Variants in TUFT1 observed in about 807,000 individuals in gnomAD.
TUFT1 encodes the protein tuftelin.
A neutral mutation model predicts 57.8 loss-of-function variants in TUFT1; 43 were observed. That is an observed-to-expected ratio of 0.74 (90% CI 0.58 to 0.96). TUFT1 has a LOEUF of 0.96. TUFT1 is among the 40% of genes least tolerant of loss of function. TUFT1 has a pLI of 0.00. For synonymous variants in TUFT1, 166 were observed against 176.7 expected, an observed-to-expected ratio of 0.94 and a Z score of 0.48; for missense variants, 459 against 489.0, an observed-to-expected ratio of 0.94 and a Z score of 0.58.
At chr1:151,543,716 T>C (rs1665239599) in intron 1 of TUFT1, among the ~76,000 whole-genome samples, 1 of 152,128 alleles carries the variant, frequency 6.6e-6, no homozygotes, top group South Asian at 2.1e-4. Flanking sequence ...TCTGCACCAT[T>C]ATGCTCAAGA....
intron 1 of TUFT1, among the ~76,000 whole-genome samples, chr1:151,551,784 G>A (rs969538130): frequency 1.3e-5 from 2 of 152,164 alleles, no homozygotes; most frequent in East Asian, 1.9e-4. Flanking sequence ...GGTATAAACT[G>A]TGATGGTCCT....
intron 4 of TUFT1, among the ~76,000 whole-genome samples, chr1:151,564,279 C>T (rs1036885257): frequency 7.2e-5 from 11 of 152,186 alleles, no homozygotes; most frequent in Non-Finnish European, 1.5e-4. Flanking sequence ...TCGTGTTTCT[C>T]GTTGGCACTT....
In TUFT1 at chr1:151,540,352, C is replaced by G. The variant is rs201713678; in HGVS notation, c.-15C>G. ...GGGTGGACAAGTGGCGTGTGTGCTG[C>G]GACCCCGAGGGAAGATGAACGGGAC... On this transcript the variant is annotated 5_prime_UTR_variant, in exon 1 of 13. Transcript: ENST00000368849. 1.2e-6 allele frequency: 2 copies of G among 1,614,030 alleles called. No individual in the cohort carries two copies. The highest frequency in any genetic ancestry group is 2.2e-5 in the East Asian group (1 of 44,864).
At position 151,581,763 on chromosome 1, in the gene TUFT1, T is replaced by A; in HGVS notation, c.*56T>A. 6.4e-7 allele frequency: 1 copy of A among 1,570,094 alleles called. No individual in the cohort carries two copies. Among genetic ancestry groups the A allele is most frequent in the Non-Finnish European group, 8.8e-7 (1 of 1,140,370 alleles). On this transcript the variant is annotated 3_prime_UTR_variant, in exon 13 of 13. Coordinates refer to ENST00000368849, the MANE Select transcript of TUFT1 (RefSeq NM_020127.3). ...CTGCCTCTGCCTCGGAGAAGCCCAC[T>A]GCCCCTGTTGGCTGTTAACACTGCC...
At chr1:151,545,522 A>G (rs1210210709) in intron 1 of TUFT1, among the ~76,000 whole-genome samples, 1 of 152,212 alleles carries the variant, frequency 6.6e-6, no homozygotes, top group African/African-American at 2.4e-5. Flanking sequence ...AATATGAAGC[A>G]CAGTGCCTGG....
intron 1 of TUFT1, among the ~76,000 whole-genome samples, chr1:151,556,794 G>A (rs1665712986): frequency 6.6e-6 from 1 of 152,106 alleles, no homozygotes; most frequent in Non-Finnish European, 1.5e-5. Flanking sequence ...ACATGGTGAA[G>A]CCCCCTCTAT....
intron 1 of TUFT1, among the ~76,000 whole-genome samples, chr1:151,550,470 G>A (rs773575084): frequency 6.6e-6 from 1 of 151,938 alleles, no homozygotes; most frequent in Non-Finnish European, 1.5e-5. Flanking sequence ...TCAGTTTCCC[G>A]AGTAGCTGGG....
rs1666419843 is a variant in TUFT1, at chr1:151,575,093, G to T, written c.818+88G>T. 3.4e-6 allele frequency: 4 copies of T among 1,184,516 alleles called. No homozygotes were observed. The East Asian group carries it at 7.7e-5, about 23-fold the overall frequency. The allele number at this position is 1,184,516 out of a possible 1,614,324, so 73.4% of individuals were successfully genotyped here. ...AGCCTGTTGCTCCTGTGGTGGCCTGGTCTGGGGAGGAAGCTGGTGCTGATG... is the reference window on the plus strand; with the variant it reads ...AGCCTGTTGCTCCTGTGGTGGCCTGTTCTGGGGAGGAAGCTGGTGCTGATG... On this transcript the variant is annotated intron_variant, in intron 9 of 12. Coordinates refer to ENST00000368849, the MANE Select transcript of TUFT1 (RefSeq NM_020127.3).
At chr1:151,574,887 G>C in intron 8 of TUFT1, 24 bp from the exon 9 acceptor site, 1 of 1,551,662 alleles carries the variant, frequency 6.4e-7, no homozygotes. Context: ...TCTCATCCTA[G>C]ATTTTCTTTT....
chr1:151,571,769 A>G (rs1666256124), intron 7 of TUFT1, among the ~76,000 whole-genome samples: 3 of 152,226 alleles, frequency 2.0e-5, no homozygotes, highest in Admixed American at 6.5e-5. Context: ...TTAATCACAC[A>G]TGGAGGAGTC....
chr1:151,578,837 C>G lies in TUFT1; in HGVS notation c.924+11C>G, dbSNP rs1265780852. On this transcript the variant is annotated intron_variant, in intron 10 of 12. Coordinates refer to ENST00000368849, the MANE Select transcript of TUFT1 (RefSeq NM_020127.3). ...CAAATGATAGAGCAGGTAAGTTGGG[C>G]TGGTTTGTAACCTGCCCTCGGGGAG... 1.3e-6 allele frequency: 2 copies of G among 1,553,004 alleles called. No homozygotes were observed. The highest frequency in any genetic ancestry group is 3.9e-5 in the Admixed American group (2 of 51,900).
intron 1 of TUFT1, chr1:151,557,674 T>C (rs1665751227): frequency 1.1e-6 from 1 of 885,434 alleles, no homozygotes; most frequent in Non-Finnish European, 1.9e-6. Flanking sequence ...GGGCATCCAG[T>C]ATCTCCGTGA....
chr1:151,581,508 T>G (rs1461731285), intron 12 of TUFT1, 136 bp from the exon 13 acceptor site: 1 of 802,326 alleles, frequency 1.2e-6, no homozygotes, highest in East Asian at 2.7e-5. Flanking sequence ...TTTAAAGCAC[T>G]TGGAACCCAA....
At chr1:151,562,457 G>A (rs1030486258) in intron 2 of TUFT1, 128 bp from the exon 3 acceptor site, 3 of 852,316 alleles carry the variant, frequency 3.5e-6, no homozygotes, top group African/African-American at 1.7e-5. Flanking sequence ...AGGAAAGTCA[G>A]ACTAATCCTT....
chr1:151,580,661 C>CAAAAAAAAAA (rs10714430), intron 11 of TUFT1, among the ~76,000 whole-genome samples: 1 of 71,908 alleles, frequency 1.4e-5, no homozygotes, highest in Non-Finnish European at 2.6e-5. Flanking sequence ...GACCCTATCT[C>CAAAAAAAAAA]AAAAAAAAAA....
intron 6 of TUFT1, among the ~76,000 whole-genome samples, chr1:151,567,897 C>T (rs6675022): frequency 0.58 from 88,027 of 152,020 alleles, 26,742 homozygotes; most frequent in Middle Eastern, 0.72. Flanking sequence ...TGTGATTATA[C>T]AATACAAAAC....
At chr1:151,580,529 G>A (rs1666613711) in intron 11 of TUFT1, among the ~76,000 whole-genome samples, 2 of 151,842 alleles carry the variant, frequency 1.3e-5, no homozygotes, top group Admixed American at 1.3e-4. Context: ...CAGATGTGGT[G>A]GCATGCATCT....
rs1165165261 is a variant in TUFT1, at chr1:151,562,612, T to G, written c.163T>G (p.Ser55Ala). ...GGGCAGGAAGACCTATGCCATGGTG[T>G]CCAGCCACTCAGCTGGTCATTCTCT... ...KAGRKTYAMV[S>A]SHSAGHSLAS... The change falls in exon 3 of 13, where the codon TCC becomes GCC. Residue 55 changes from serine to alanine, a missense_variant. Coordinates refer to ENST00000368849, the MANE Select transcript of TUFT1 (RefSeq NM_020127.3). 1 of 1,612,622 alleles carries G rather than the reference T, an allele frequency of 6.2e-7. No homozygotes were observed. Among genetic ancestry groups the G allele is most frequent in the African/African-American group, 1.3e-5 (1 of 74,850 alleles).
intron 7 of TUFT1, among the ~76,000 whole-genome samples, chr1:151,573,272 G>A (rs1167965998): frequency 6.6e-6 from 1 of 152,134 alleles, no homozygotes; most frequent in Admixed American, 6.6e-5. Flanking sequence ...TGTGTTCCTT[G>A]TATGTCCTCT....
Sources: allele counts gnomAD v4.1 joint callset (sites outside exome capture counted in the v4.1 genomes callset), GRCh38; gene constraint gnomAD v4.1.1; transcripts MANE v1.5; gene names NCBI Gene and HGNC (gene_info 2026-07-23, HGNC 2026-07-21).